PTPRD: variants seen among roughly 807,000 people sequenced by gnomAD.
The protein encoded by PTPRD is receptor-type tyrosine-protein phosphatase delta.
PTPRD carries 34 observed loss-of-function variants against 214.5 expected under a neutral mutation model. That is an observed-to-expected ratio of 0.16 (90% CI 0.12 to 0.21). The LOEUF (loss-of-function observed/expected upper bound fraction) is 0.21, where lower values mean the gene tolerates loss of function less well. Among genes scored for constraint, PTPRD ranks in the 10% least tolerant of loss-of-function variants. The pLI is 1.00. For synonymous variants in PTPRD, 1,128 were observed against 845.7 expected, an observed-to-expected ratio of 1.33 and a Z score of -5.79; for missense variants, 2,545 against 2,398.7, an observed-to-expected ratio of 1.06 and a Z score of -1.27.
intron 11 of PTPRD, among the ~76,000 whole-genome samples, chr9:8,921,307 C>A (rs893858835): frequency 6.6e-6 from 1 of 152,112 alleles, no homozygotes; most frequent in African/African-American, 2.4e-5. Flanking sequence ...CCTGAACTTG[C>A]TCTCACTCCT....
chr9:10,482,239 C>A (rs544939639), intron 2 of PTPRD, among the ~76,000 whole-genome samples: 1 of 151,670 alleles, frequency 6.6e-6, no homozygotes, highest in Non-Finnish European at 1.5e-5. Context: ...GGCGTGGTGG[C>A]GGGTGCCTGT....
intron 9 of PTPRD, among the ~76,000 whole-genome samples, chr9:9,306,767 A>G (rs1957287987): frequency 6.6e-6 from 1 of 152,120 alleles, no homozygotes; most frequent in Admixed American, 6.6e-5. Flanking sequence ...TTGGGGAGCC[A>G]AATTTCTAAC....
At chr9:9,916,090 A>AC (rs1024425392) in intron 5 of PTPRD, among the ~76,000 whole-genome samples, 9 of 150,350 alleles carry the variant, frequency 6.0e-5, no homozygotes, top group African/African-American at 1.7e-4. Flanking sequence ...TAAAAAAAAA[A>AC]AAACAAAAAA....
intron 2 of PTPRD, among the ~76,000 whole-genome samples, chr9:10,414,912 A>G (rs906007407): frequency 6.6e-6 from 1 of 151,802 alleles, no homozygotes; most frequent in Non-Finnish European, 1.5e-5. Flanking sequence ...GGAAAAACAG[A>G]TACTGGGGTC....
intron 8 of PTPRD, among the ~76,000 whole-genome samples, chr9:9,508,685 T>C (rs2096627734): frequency 6.6e-6 from 1 of 151,568 alleles, no homozygotes; most frequent in Non-Finnish European, 1.5e-5. Flanking sequence ...AAAGGTATTA[T>C]ATGTTCTCAT....
At position 8,436,598 on chromosome 9, in the gene PTPRD, T is replaced by A; in HGVS notation, c.4080A>T (p.Glu1360Asp). Residue 1360 changes from glutamate to aspartate, a missense_variant, in exon 35 of 46, where the codon GAA becomes GAT. Coordinates refer to ENST00000381196, the MANE Select transcript of PTPRD (RefSeq NM_002839.4). ...AATAAACACAGTGAATTACCTCATATTCCTGGGAAAACTTCAAGTTGTCAT... is the reference window on the plus strand; with the variant it reads ...AATAAACACAGTGAATTACCTCATAATCCTGGGAAAACTTCAAGTTGTCAT... Reference protein sequence around the residue: ...KANDNLKFSQEYESIDPGQQF... With the variant: ...KANDNLKFSQDYESIDPGQQF... 1 of 1,609,864 alleles carries A rather than the reference T, an allele frequency of 6.2e-7. No individual in the cohort carries two copies. The highest frequency in any genetic ancestry group is 8.5e-7 in the Non-Finnish European group (1 of 1,176,492).
At chr9:9,187,753 T>C (rs1007080447) in intron 9 of PTPRD, among the ~76,000 whole-genome samples, 3 of 151,926 alleles carry the variant, frequency 2.0e-5, no homozygotes, top group South Asian at 4.1e-4. Context: ...AAATAAATTG[T>C]ACCTCTCATG....
chr9:8,621,156 G>A (rs1052011518), intron 14 of PTPRD, among the ~76,000 whole-genome samples: 1 of 151,852 alleles, frequency 6.6e-6, no homozygotes, highest in South Asian at 2.1e-4. Context: ...GCCTGTCTCT[G>A]CTTCAACTCC....
chr9:8,575,731 G>C lies in PTPRD; in HGVS notation c.353-46952C>G, dbSNP rs149518848. 4.8e-3 allele frequency among the ~76,000 whole-genome samples: 724 copies of C among 152,278 alleles called. 7 individuals are homozygous for C. Among genetic ancestry groups the C allele is most frequent in the Non-Finnish European group, 8.0e-3 (546 of 68,002 alleles). On this transcript the variant is annotated intron_variant, in intron 14 of 45. Transcript: ENST00000381196. ...CAGAAAGGAAAAAAGCAACTGCTCA[G>C]TTTTTCAAAATGAGTTTAAGTTGCA...
chr9:10,422,817 G>A (rs1189131590), intron 2 of PTPRD, among the ~76,000 whole-genome samples: 1 of 152,118 alleles, frequency 6.6e-6, no homozygotes, highest in Admixed American at 6.6e-5. Context: ...AGATGCTGGA[G>A]TGGATGTGGA....
intron 3 of PTPRD, among the ~76,000 whole-genome samples, chr9:10,129,654 C>T (rs1172969523): frequency 6.6e-6 from 1 of 151,980 alleles, no homozygotes; most frequent in Non-Finnish European, 1.5e-5. Flanking sequence ...TCCAGATATA[C>T]TTTTCCCATG....
intron 10 of PTPRD, among the ~76,000 whole-genome samples, chr9:9,171,614 T>C (rs1445221216): frequency 2.0e-5 from 3 of 151,872 alleles, no homozygotes; most frequent in East Asian, 1.9e-4. Context: ...AATATGTTGA[T>C]AGGAATTAGA....
chr9:10,257,181 A>T (rs143420708), intron 3 of PTPRD, among the ~76,000 whole-genome samples: 25 of 152,306 alleles, frequency 1.6e-4, no homozygotes, highest in Non-Finnish European at 3.4e-4. Context: ...CTTAACATAT[A>T]CTGGTTTTAG....
At chr9:9,590,235 T>A (rs1202742304) in intron 7 of PTPRD, among the ~76,000 whole-genome samples, 2 of 151,992 alleles carry the variant, frequency 1.3e-5, no homozygotes, top group African/African-American at 4.8e-5. Context: ...CAGGGCAATA[T>A]ATCACAAGAA....
intron 3 of PTPRD, among the ~76,000 whole-genome samples, chr9:10,061,457 C>G (rs2097776370): frequency 9.2e-5 from 14 of 152,094 alleles, no homozygotes; most frequent in Admixed American, 9.2e-4. Context: ...TCTCACATCA[C>G]ACACATCTCA....
chr9:9,568,001 G>A (rs1485788115), intron 8 of PTPRD, among the ~76,000 whole-genome samples: 1 of 151,554 alleles, frequency 6.6e-6, no homozygotes, highest in Non-Finnish European at 1.5e-5. Context: ...TATAATTACG[G>A]CAGACATCTT....
intron 11 of PTPRD, among the ~76,000 whole-genome samples, chr9:8,970,726 C>T (rs180746767): frequency 6.6e-6 from 1 of 151,888 alleles, no homozygotes. Context: ...TCAAAACCAA[C>T]CTAACAAACA....
chr9:9,003,632 C>T (rs2099434886), intron 11 of PTPRD, among the ~76,000 whole-genome samples: 1 of 151,992 alleles, frequency 6.6e-6, no homozygotes, highest in Non-Finnish European at 1.5e-5. Context: ...TAGCAATAGG[C>T]AGTAAGTAGA....
At chr9:9,475,763 C>T (rs2094980825) in intron 8 of PTPRD, among the ~76,000 whole-genome samples, 1 of 152,062 alleles carries the variant, frequency 6.6e-6, no homozygotes, top group African/African-American at 2.4e-5. Flanking sequence ...TCTAACATTC[C>T]ACAGAGATTT....
Sources: allele counts gnomAD v4.1 joint callset (sites outside exome capture counted in the v4.1 genomes callset), GRCh38; gene constraint gnomAD v4.1.1; transcripts MANE v1.5; gene names NCBI Gene and HGNC (gene_info 2026-07-23, HGNC 2026-07-21).